PPARGC1B: variants seen among roughly 807,000 people sequenced by gnomAD.
The protein encoded by PPARGC1B is peroxisome proliferator-activated receptor gamma coactivator 1-beta.
A neutral mutation model predicts 101.6 loss-of-function variants in PPARGC1B; 34 were observed. The ratio of observed to expected loss-of-function variants is 0.33; its 90% confidence interval spans 0.25 to 0.45. PPARGC1B has a LOEUF of 0.45. Among genes scored for constraint, PPARGC1B ranks in the 20% least tolerant of loss-of-function variants. The pLI is 1.00. For synonymous variants in PPARGC1B, 548 were observed against 539.3 expected, an observed-to-expected ratio of 1.02 and a Z score of -0.22; for missense variants, 1,234 against 1,317.6, an observed-to-expected ratio of 0.94 and a Z score of 0.98.
chr5:149,835,465 T>C (rs1759013415), intron 7 of PPARGC1B, 100 bp downstream of exon 7: 2 of 1,014,310 alleles, frequency 2.0e-6, no homozygotes, highest in Non-Finnish European at 3.1e-6. Flanking sequence ...CAATGAACGA[T>C]GCGCAAGATG....
intron 3 of PPARGC1B, among the ~76,000 whole-genome samples, chr5:149,830,030 C>CAAAAAA (rs60711433): frequency 5.8e-4 from 20 of 34,234 alleles, no homozygotes; most frequent in East Asian, 1.4e-3. Context: ...GACTGCATCT[C>CAAAAAA]AAAAAAAAAA....
intron 1 of PPARGC1B, among the ~76,000 whole-genome samples, chr5:149,815,838 C>T (rs910298853): frequency 1.3e-5 from 2 of 152,172 alleles, no homozygotes; most frequent in Admixed American, 6.5e-5. Flanking sequence ...TGAGCCACCG[C>T]GCCTGTTCCT....
chr5:149,800,398 C>T (rs4705093), intron 1 of PPARGC1B, among the ~76,000 whole-genome samples: 16,933 of 152,214 alleles, frequency 0.11, 1,275 homozygotes, highest in Admixed American at 0.23. Flanking sequence ...AGAAAAACTA[C>T]AGTGCGTATG....
chr5:149,749,365 G>A (rs138076885), intron 1 of PPARGC1B, among the ~76,000 whole-genome samples: 2 of 152,332 alleles, frequency 1.3e-5, no homozygotes, highest in East Asian at 3.9e-4. Flanking sequence ...CTTACCCGCT[G>A]AGGTCACTGT....
chr5:149,821,656 T>C (rs1162735347), intron 2 of PPARGC1B, among the ~76,000 whole-genome samples: 1 of 152,138 alleles, frequency 6.6e-6, no homozygotes, highest in Non-Finnish European at 1.5e-5. Flanking sequence ...GCCGCAAGCG[T>C]CCTCTCCAAG....
rs2113039950 is a variant in PPARGC1B at position 149,730,550 on chromosome 5, C to G, written c.78+130C>G. 1.5e-6 allele frequency: 1 copy of G among 655,088 alleles called. No homozygotes were observed. The highest frequency in any genetic ancestry group is 1.9e-5 in the African/African-American group (1 of 51,734). 40.6% of individuals were successfully genotyped at this position (655,088 alleles called of 1,614,324 possible). On this transcript the variant is annotated intron_variant, in intron 1 of 11. Transcript: ENST00000309241. This position sits in a 1 kb window ranked among gnomAD's most constrained non-coding sequence, Gnocchi z 4.0. ...ACTGGGGGTTCCAGGCTGCAGAGCC[C>G]CCCTTCCAGGCGCCCTGCGATGCGC...
chr5:149,820,489 C>T lies in PPARGC1B; in HGVS notation c.135C>T (p.Ser45=). 3 of 1,614,084 alleles carry T rather than the reference C, an allele frequency of 1.9e-6. No homozygotes were observed. Among genetic ancestry groups the T allele is most frequent in the Non-Finnish European group, 2.5e-6 (3 of 1,180,040 alleles). ...CTGACTTTCCAGAACTTGACCTCTC[C>T]CAGCTGGATGCCAGCGACTTTGACT... The part of the protein sequence containing the change: ...LYADFPELDL[S]QLDASDFDSA... Residue 45 remains serine (S), a synonymous_variant, in exon 2 of 12, where the codon TCC becomes TCT. Transcript: ENST00000309241.
At chr5:149,827,901 T>A (rs2113380598) in intron 3 of PPARGC1B, among the ~76,000 whole-genome samples, 1 of 152,310 alleles carries the variant, frequency 6.6e-6, no homozygotes, top group Non-Finnish European at 1.5e-5. Flanking sequence ...TTGCTCAGCC[T>A]GTCTTGGGCC....
chr5:149,815,798 C>T (rs972318109), intron 1 of PPARGC1B, among the ~76,000 whole-genome samples: 41 of 152,304 alleles, frequency 2.7e-4, no homozygotes, highest in African/African-American at 8.9e-4. Context: ...CTGCCCGCCT[C>T]GGCCTCCCAA....
rs552048588 is a variant in PPARGC1B, at chr5:149,820,393, C to T, written c.79-40C>T. The stretch of plus-strand genomic sequence containing the variant: ...AGGGCCCCTGCTTGGGTCTAGCCAG[C>T]CTCAGCTCTGATCCACCTCTTTCCT... On this transcript the variant is annotated intron_variant, in intron 1 of 11. Coordinates refer to ENST00000309241, the MANE Select transcript of PPARGC1B (RefSeq NM_133263.4). 2.5e-6 allele frequency: 4 copies of T among 1,596,022 alleles called. No individual in the cohort carries two copies. In the African/African-American group the frequency reaches 5.4e-5, roughly 21 times the overall value.
chr5:149,802,765 G>A (rs1194669575), intron 1 of PPARGC1B, among the ~76,000 whole-genome samples: 1 of 152,008 alleles, frequency 6.6e-6, no homozygotes, highest in Non-Finnish European at 1.5e-5. Context: ...AAAATTTTTG[G>A]CTTCCCAAAC....
chr5:149,756,536 G>C (rs1305698935), intron 1 of PPARGC1B, among the ~76,000 whole-genome samples: 1 of 152,194 alleles, frequency 6.6e-6, no homozygotes, highest in Non-Finnish European at 1.5e-5. Flanking sequence ...TCCTGGCACT[G>C]GTCCAGATGT....
intron 1 of PPARGC1B, among the ~76,000 whole-genome samples, chr5:149,747,373 C>T (rs747023628): frequency 6.6e-6 from 1 of 152,188 alleles, no homozygotes; most frequent in South Asian, 2.1e-4. Context: ...TACAGGCTGC[C>T]GAGCTCACCT....
At chr5:149,756,642 A>G (rs1263602395) in intron 1 of PPARGC1B, among the ~76,000 whole-genome samples, 1 of 152,146 alleles carries the variant, frequency 6.6e-6, no homozygotes, top group East Asian at 1.9e-4. Flanking sequence ...AAGCTGTGGG[A>G]CACAGAGCTT....
chr5:149,835,387 G>A (rs746675568), intron 7 of PPARGC1B, 22 bp downstream of exon 7: 11 of 1,609,678 alleles, frequency 6.8e-6, no homozygotes, highest in Non-Finnish European at 9.4e-6. Flanking sequence ...GGCTTCCACT[G>A]GCAGGTGCCT....
At chr5:149,771,626 G>A (rs768951778) in intron 1 of PPARGC1B, among the ~76,000 whole-genome samples, 5 of 152,220 alleles carry the variant, frequency 3.3e-5, no homozygotes, top group African/African-American at 7.2e-5. Flanking sequence ...ACCTGTTACC[G>A]TGTCCTACAT....
At chr5:149,812,525 C>T (rs184752040) in intron 1 of PPARGC1B, among the ~76,000 whole-genome samples, 32 of 152,294 alleles carry the variant, frequency 2.1e-4, no homozygotes, top group African/African-American at 3.1e-4. Flanking sequence ...AGAGAGGGAA[C>T]GTATTCACTC....
At chr5:149,828,398 T>C (rs1286457153) in intron 3 of PPARGC1B, among the ~76,000 whole-genome samples, 1 of 152,238 alleles carries the variant, frequency 6.6e-6, no homozygotes, top group Non-Finnish European at 1.5e-5. Flanking sequence ...GAGGGGTTAA[T>C]AATAGTGCCT....
chr5:149,833,372 C>CGAGGAAGAA lies in PPARGC1B; in HGVS notation c.1305_1313dup (p.Glu442_Glu444dup), dbSNP rs1758892909. On this transcript the variant is annotated inframe_insertion, in exon 5 of 12. Transcript: ENST00000309241. The surrounding 1 kb of genome is among the most constrained non-coding windows in gnomAD (Gnocchi z 4.1). ...GACTGCAGCAGCAGGAGGAGGAAGA[C>CGAGGAAGAA]GAGGAAGAAGAGGAGGAGGAAGAGG... 4 of 1,612,832 alleles carry CGAGGAAGAA rather than the reference C, an allele frequency of 2.5e-6. No individual in the cohort carries two copies. In the East Asian group the frequency reaches 8.9e-5, roughly 36 times the overall value.
Sources: gnomAD v4.1 joint callset for allele counts (sites outside exome capture counted in the v4.1 genomes callset) on GRCh38, gnomAD v4.1.1 for gene constraint, Gnocchi (gnomAD v3.1) non-coding constraint, MANE v1.5 for transcripts, NCBI Gene and HGNC (gene_info 2026-07-23, HGNC 2026-07-21) for gene names.